NSD2: variants seen among roughly 807,000 people sequenced by gnomAD.
NSD2 encodes the protein nuclear receptor binding SET domain protein 2.
A neutral mutation model predicts 139.0 loss-of-function variants in NSD2; 12 were observed. The observed-to-expected ratio is 0.09, with a 90% confidence interval of 0.06 to 0.14. The LOEUF is 0.14. NSD2 is among the 10% of genes least tolerant of loss of function. The pLI is 1.00. For missense variants in NSD2, 1,155 were observed against 1,745.0 expected (o/e 0.66, Z 6.02); for synonymous variants, 669 against 648.7 (o/e 1.03, Z -0.48).
intron 21 of NSD2, among the ~76,000 whole-genome samples, chr4:1,977,574 G>A (rs1226764280): frequency 2.6e-5 from 4 of 152,064 alleles, no homozygotes; most frequent in Admixed American, 1.3e-4. Flanking sequence ...TCAGGAGTTC[G>A]AGACCAGTCT....
At chr4:1,885,522 C>T (rs1240507474) in intron 1 of NSD2, among the ~76,000 whole-genome samples, 2 of 152,102 alleles carry the variant, frequency 1.3e-5, no homozygotes, top group Non-Finnish European at 1.5e-5. Flanking sequence ...TCTCAGTGGC[C>T]CCTGTTGACA....
At chr4:1,966,359 A>G (rs925555888) in intron 18 of NSD2, among the ~76,000 whole-genome samples, 6 of 39,876 alleles carry the variant, frequency 1.5e-4, no homozygotes, top group African/African-American at 3.8e-4. Context: ...TGTTGTCTGC[A>G]TGATTGAAGA....
chr4:1,947,812 G>A (rs1010473934), intron 9 of NSD2: 8 of 1,047,622 alleles, frequency 7.6e-6, no homozygotes, highest in Admixed American at 1.1e-4. Flanking sequence ...TTTCAAAAAC[G>A]ATGTCGTATT....
intron 5 of NSD2, among the ~76,000 whole-genome samples, chr4:1,929,636 T>C (rs891165873): frequency 1.3e-5 from 2 of 152,228 alleles, no homozygotes; most frequent in African/African-American, 4.8e-5. Flanking sequence ...AGTAAAACTT[T>C]GTGGGCACTG....
intron 3 of NSD2, among the ~76,000 whole-genome samples, chr4:1,914,459 G>C (rs1301914991): frequency 6.6e-6 from 1 of 152,092 alleles, no homozygotes; most frequent in Non-Finnish European, 1.5e-5. Flanking sequence ...CTGAGTAGCT[G>C]GGACTACGGG....
intron 1 of NSD2, among the ~76,000 whole-genome samples, chr4:1,898,819 C>T (rs1716775778): frequency 6.6e-6 from 1 of 151,614 alleles, no homozygotes; most frequent in Admixed American, 6.6e-5. Context: ...CTGAGACTCT[C>T]TCCTTGAGAT....
intron 6 of NSD2, among the ~76,000 whole-genome samples, chr4:1,934,093 G>GTT (rs1169656491): frequency 7.0e-6 from 1 of 143,024 alleles, no homozygotes; most frequent in Non-Finnish European, 1.5e-5. Context: ...TTTGTTTTTC[G>GTT]TTTTTTTTTT....
intron 3 of NSD2, among the ~76,000 whole-genome samples, chr4:1,909,944 T>TA (rs1323100206): frequency 0.024 from 3,449 of 144,916 alleles, 50 homozygotes; most frequent in Non-Finnish European, 0.036. Flanking sequence ...CGGCACCCGT[T>TA]AAAAAAAAAA....
At chr4:1,966,980 C>A (rs1211750344) in intron 18 of NSD2, among the ~76,000 whole-genome samples, 1 of 151,854 alleles carries the variant, frequency 6.6e-6, no homozygotes, top group African/African-American at 2.4e-5. Context: ...TCAATGAAAC[C>A]AAAAGTTTGT....
chr4:1,894,542 C>T (rs1043956256), intron 1 of NSD2, among the ~76,000 whole-genome samples: 1 of 151,872 alleles, frequency 6.6e-6, no homozygotes, highest in Non-Finnish European at 1.5e-5. Flanking sequence ...TGTGGTGGTG[C>T]ATGCCTGTAT....
intron 1 of NSD2, among the ~76,000 whole-genome samples, chr4:1,883,679 C>G (rs1463574191): frequency 6.6e-6 from 1 of 151,968 alleles, no homozygotes; most frequent in East Asian, 1.9e-4. Context: ...CTGATCCCAC[C>G]TTGTTTGTTG....
intron 1 of NSD2, among the ~76,000 whole-genome samples, chr4:1,878,241 ATATATATATATTTTTTTTTTTTTTTTTT>A (rs1283519236): frequency 2.3e-4 from 8 of 35,078 alleles, no homozygotes; most frequent in African/African-American, 1.1e-3. Context: ...ATATATATAT[ATATATATATATTTTTTTTTTTTTTTTTT>A]TTTTTTTTTT....
Position 1,942,311 on chromosome 4 carries a change from T to C in NSD2, c.1881+2533T>C. ...TTTATTCCTTTAGTAGAGCAAATTC[T>C]TATTTTTTTCGCCTTCACTGGTAAC... On this transcript the variant is annotated intron_variant, in intron 9 of 21. Coordinates refer to ENST00000508803, the MANE Select transcript of NSD2 (RefSeq NM_001042424.3). This position sits in a 1 kb window ranked among gnomAD's most constrained non-coding sequence, Gnocchi z 4.0. The C allele has an allele frequency of 5.0e-6, 8 of 1,610,506 alleles. No homozygotes were observed. Among genetic ancestry groups the C allele is most frequent in the Non-Finnish European group, 6.8e-6 (8 of 1,179,090 alleles).
rs776626819 is a variant in NSD2, at chr4:1,958,021, A to G, written c.2970A>G (p.Pro990=). The change falls in exon 16 of 22, where the codon CCA becomes CCG. Residue 990 remains proline, a synonymous_variant. Transcript: ENST00000508803. This position sits in a 1 kb window ranked among gnomAD's most constrained non-coding sequence, Gnocchi z 4.6. The part of the protein sequence containing the change: ...ETQESERKPP[P]YKHIKVNKPY... ...AGGAGAGCGAGCGCAAGCCCCCACC[A>G]TACAAGCACATCAAGGTGGCGTGTG... 45 of 1,613,866 alleles carry G rather than the reference A, an allele frequency of 2.8e-5. No individual in the cohort carries two copies. Among genetic ancestry groups the G allele is most frequent in the Admixed American group, 6.7e-5 (4 of 59,996 alleles).
At chr4:1,894,563 T>C (rs966076182) in intron 1 of NSD2, among the ~76,000 whole-genome samples, 4 of 151,836 alleles carry the variant, frequency 2.6e-5, no homozygotes, top group East Asian at 1.9e-4. Flanking sequence ...TCCCAGCTAA[T>C]TGGGAGGCTG....
Position 1,942,099 on chromosome 4 carries a change from C to T in NSD2, c.1881+2321C>T, listed in dbSNP as rs1723158796. The T allele has an allele frequency of 3.2e-6, 4 of 1,235,126 alleles. No homozygotes were observed. The highest frequency in any genetic ancestry group is 2.0e-6 in the Non-Finnish European group (2 of 982,340). 76.5% of individuals were successfully genotyped at this position (1,235,126 alleles called of 1,614,324 possible). A position where few individuals can be genotyped will look rare whatever the true frequency, so the allele number is the denominator to read the frequency against. On this transcript the variant is annotated intron_variant, in intron 9 of 21. Transcript: ENST00000508803. The surrounding 1 kb of genome is among the most constrained non-coding windows in gnomAD (Gnocchi z 4.0). ...TTTATAGGGTTGGTATTTCAGAACA[C>T]TTTAGGTCATGTTGTAGTTTAAATT...
chr4:1,883,229 A>G (rs762967872), intron 1 of NSD2, among the ~76,000 whole-genome samples: 3 of 152,168 alleles, frequency 2.0e-5, no homozygotes, highest in Non-Finnish European at 4.4e-5. Context: ...TCAGGTTCAG[A>G]AACAAGAGAA....
chr4:1,969,283 A>G (rs1726191830), intron 18 of NSD2, among the ~76,000 whole-genome samples: 1 of 152,238 alleles, frequency 6.6e-6, no homozygotes, highest in Admixed American at 6.5e-5. Context: ...GAGGGCCCAC[A>G]GAGACTTGGG....
chr4:1,948,767 C>A lies in NSD2; in HGVS notation c.1882-2305C>A. The A allele has an allele frequency of 1.9e-6, 2 of 1,043,782 alleles. No homozygotes were observed. Among genetic ancestry groups the A allele is most frequent in the Non-Finnish European group, 2.3e-6 (2 of 864,734 alleles). The allele number at this position is 1,043,782 out of a possible 1,614,324, so 64.7% of individuals were successfully genotyped here. On this transcript the variant is annotated intron_variant, in intron 9 of 21. Coordinates refer to ENST00000508803, the MANE Select transcript of NSD2 (RefSeq NM_001042424.3). This position sits in a 1 kb window ranked among gnomAD's most constrained non-coding sequence, Gnocchi z 4.5. ...TGTAGGAAATCTCTCCAAGTGGAAA[C>A]GTGCTAACTTTTTCTGTAAATCTGA...
Sources: gnomAD v4.1 joint callset for allele counts (sites outside exome capture counted in the v4.1 genomes callset) on GRCh38, gnomAD v4.1.1 for gene constraint, Gnocchi (gnomAD v3.1) non-coding constraint, MANE v1.5 for transcripts, NCBI Gene and HGNC (gene_info 2026-07-23, HGNC 2026-07-21) for gene names.